The following GALNT14 variants were observed in gnomAD, a reference collection of about 807,000 sequenced individuals.
GALNT14 encodes polypeptide N-acetylgalactosaminyltransferase 14, also known as UDP-GalNAc:polypeptide N-acetylgalactosaminyltransferase 14.
Under a neutral mutation model 77.5 loss-of-function variants are expected in GALNT14, and 60 were observed. The ratio of observed to expected loss-of-function variants is 0.77; its 90% CI spans 0.63 to 0.96. The LOEUF (loss-of-function observed/expected upper bound fraction) is 0.96. GALNT14 is among the 40% of genes least tolerant of loss of function. The pLI is 0.00. For synonymous variants in GALNT14, 280 were observed against 281.7 expected, an observed-to-expected ratio of 0.99 and a Z score of 0.06; for missense variants, 710 against 731.0, an observed-to-expected ratio of 0.97 and a Z score of 0.33.
At chr2:31,094,303 C>A (rs1676896324) in intron 1 of GALNT14, among the ~76,000 whole-genome samples, 1 of 152,246 alleles carries the variant, frequency 6.6e-6, no homozygotes, top group East Asian at 1.9e-4. Flanking sequence ...CCTAACTCCA[C>A]TGCCTATCCC....
chr2:31,094,322 T>A (rs896878276), intron 1 of GALNT14, among the ~76,000 whole-genome samples: 2 of 152,186 alleles, frequency 1.3e-5, no homozygotes, highest in African/African-American at 4.8e-5. Context: ...CCAAAACCTA[T>A]AAGAACTAAT....
At chr2:30,887,930 A>G in the GALNT14 span, among the ~76,000 whole-genome samples, 1 of 152,184 alleles carries the variant, frequency 6.6e-6, no homozygotes, top group Non-Finnish European at 1.5e-5. Context: ...TCCTGCTCCC[A>G]TGCCTACCTC....
intron 2 of GALNT14, chr2:30,986,942 A>C (rs752727949): frequency 3.9e-5 from 6 of 152,176 alleles, no homozygotes; most frequent in Non-Finnish European, 5.9e-5. Flanking sequence ...GATTGAGGTG[A>C]GTGGGGGCCA....
At chr2:31,035,569 A>ATGTGTG (rs1168590695) in intron 1 of GALNT14, among the ~76,000 whole-genome samples, 12 of 128,250 alleles carry the variant, frequency 9.4e-5, no homozygotes, top group South Asian at 2.6e-4. Context: ...GTGTGTGTGT[A>ATGTGTG]TGTGTGTGTG....
chr2:30,934,261 C>T (rs950591087), intron 9 of GALNT14, among the ~76,000 whole-genome samples: 5 of 152,072 alleles, frequency 3.3e-5, no homozygotes, highest in Admixed American at 1.3e-4. Flanking sequence ...GAGGTCGGTG[C>T]GTGGAGTTGT....
At chr2:31,118,201 T>C (rs1420500784) in intron 1 of GALNT14, among the ~76,000 whole-genome samples, 1 of 152,234 alleles carries the variant, frequency 6.6e-6, no homozygotes. Context: ...CTGAGTTTTA[T>C]ATGATCATTA....
chr2:30,998,597 A>G (rs1396254041), intron 1 of GALNT14, among the ~76,000 whole-genome samples: 1 of 152,246 alleles, frequency 6.6e-6, no homozygotes, highest in East Asian at 1.9e-4. Context: ...GCTAACACCC[A>G]GGAAGAATAC....
intron 1 of GALNT14, among the ~76,000 whole-genome samples, chr2:31,132,197 CTGGACTCCGGGCCT>C (rs2148652820): frequency 6.6e-6 from 1 of 152,286 alleles, no homozygotes; most frequent in South Asian, 2.1e-4. Context: ...AACCAGAGGC[CTGGACTCCGGGCCT>C]TGGGACAACC....
At chr2:31,006,125 C>G (rs1490901549) in intron 1 of GALNT14, among the ~76,000 whole-genome samples, 11 of 152,142 alleles carry the variant, frequency 7.2e-5, no homozygotes. Flanking sequence ...GACTTTGGCT[C>G]CATGGGCTGG....
At chr2:30,888,412 G>A in the GALNT14 span, among the ~76,000 whole-genome samples, 20 of 152,166 alleles carry the variant, frequency 1.3e-4, no homozygotes, top group Non-Finnish European at 2.9e-5. Context: ...GTAAAATAGG[G>A]ATACTGTAAT....
intron 3 of GALNT14, among the ~76,000 whole-genome samples, chr2:30,962,548 G>A (rs983526160): frequency 3.9e-5 from 6 of 152,218 alleles, no homozygotes; most frequent in African/African-American, 1.2e-4. Flanking sequence ...CACTGCATCA[G>A]GAGTCAAGAT....
At chr2:30,950,503 C>A (rs1666964942) in intron 6 of GALNT14, among the ~76,000 whole-genome samples, 1 of 152,330 alleles carries the variant, frequency 6.6e-6, no homozygotes, top group East Asian at 1.9e-4. Context: ...TCATGTCCTA[C>A]TCTGAGACAA....
intron 1 of GALNT14, among the ~76,000 whole-genome samples, chr2:31,006,343 A>T (rs1450866394): frequency 6.6e-6 from 1 of 152,150 alleles, no homozygotes; most frequent in Non-Finnish European, 1.5e-5. Flanking sequence ...GACAACGACA[A>T]CTACTGCAAC....
intron 6 of GALNT14, among the ~76,000 whole-genome samples, chr2:30,952,710 T>C (rs1208958515): frequency 1.3e-5 from 2 of 150,226 alleles, no homozygotes; most frequent in Non-Finnish European, 3.0e-5. Context: ...TGTATACATA[T>C]GTAACTAACC....
At chr2:31,091,566 A>G (rs539653328) in intron 1 of GALNT14, among the ~76,000 whole-genome samples, 5 of 152,352 alleles carry the variant, frequency 3.3e-5, no homozygotes, top group Admixed American at 2.0e-4. Flanking sequence ...TAGTCCATCC[A>G]GGCTGCTATA....
At chr2:31,118,809 AT>A (rs1678243378) in intron 1 of GALNT14, among the ~76,000 whole-genome samples, 1 of 152,308 alleles carries the variant, frequency 6.6e-6, no homozygotes, top group East Asian at 1.9e-4. Flanking sequence ...CAATAGACTA[AT>A]TGAGAAGTAG....
chr2:30,887,015 T>C, the GALNT14 span, among the ~76,000 whole-genome samples: 1 of 152,250 alleles, frequency 6.6e-6, no homozygotes, highest in Admixed American at 6.5e-5. Flanking sequence ...CTTAGCAAAA[T>C]GTTTTTGAGG....
At chr2:30,941,801 T>C (rs1260946197) in intron 9 of GALNT14, among the ~76,000 whole-genome samples, 1 of 152,246 alleles carries the variant, frequency 6.6e-6, no homozygotes, top group African/African-American at 2.4e-5. Flanking sequence ...TTCCTCATTC[T>C]TTCTCTTCAA....
chr2:31,082,786 G>A (rs554929712), intron 1 of GALNT14, among the ~76,000 whole-genome samples: 68 of 152,282 alleles, frequency 4.5e-4, no homozygotes, highest in Non-Finnish European at 8.5e-4. Context: ...TTGGGAGGCC[G>A]AGGTGGGTGG....
Sources: gnomAD v4.1 joint callset for allele counts (sites outside exome capture counted in the v4.1 genomes callset) on GRCh38, gnomAD v4.1.1 for gene constraint, MANE v1.5 for transcripts, NCBI Gene and HGNC (gene_info 2026-07-23, HGNC 2026-07-21) for gene names.